CLXN: variants seen among roughly 807,000 people sequenced by gnomAD.
The protein encoded by CLXN is calaxin.
At chr8:48,712,142 G>T in the CLXN span, 1 of 152,182 alleles carries the variant, frequency 6.6e-6, no homozygotes, top group Non-Finnish European at 1.5e-5. Context: ...TTTCTGCTGG[G>T]AGGCAGTGAC....
At chr8:48,726,744 CCCAT>C in the CLXN span, among the ~76,000 whole-genome samples, 12 of 144,990 alleles carry the variant, frequency 8.3e-5, no homozygotes, top group Middle Eastern at 3.8e-3. Flanking sequence ...ACTCACCTCA[CCCAT>C]CCATCCATCC....
the CLXN span, chr8:48,711,660 C>A: frequency 8.0e-4 from 122 of 152,302 alleles, 1 homozygote; most frequent in African/African-American, 2.6e-3. Flanking sequence ...CCTGCAGCCA[C>A]GAGGGTCTGC....
chr8:48,731,140 A>T, the CLXN span, among the ~76,000 whole-genome samples: 3 of 152,332 alleles, frequency 2.0e-5, no homozygotes, highest in African/African-American at 7.2e-5. Context: ...GAAAGATGTC[A>T]ACATGACTTT....
At chr8:48,731,480 G>C in the CLXN span, 1 of 1,608,288 alleles carries the variant, frequency 6.2e-7, no homozygotes, top group Non-Finnish European at 8.5e-7. Flanking sequence ...AGCTTTATAA[G>C]ACAGTTCACT....
At chr8:48,713,561 A>G in the CLXN span, 1 of 152,164 alleles carries the variant, frequency 6.6e-6, no homozygotes, top group South Asian at 2.1e-4. Flanking sequence ...TACAAATGAT[A>G]TAACTTTGTG....
the CLXN span, chr8:48,735,280 C>T: frequency 3.8e-6 from 4 of 1,064,382 alleles, no homozygotes; most frequent in South Asian, 2.8e-5. Flanking sequence ...ATCTCGTGCG[C>T]GGCCCTAACA....
At chr8:48,734,966 G>T in the CLXN span, 2 of 1,057,396 alleles carry the variant, frequency 1.9e-6, no homozygotes, top group Non-Finnish European at 2.8e-6. Context: ...GGCCGGGGTG[G>T]AGGGGCGGTA....
chr8:48,713,031 A>G, the CLXN span, among the ~76,000 whole-genome samples: 4 of 150,998 alleles, frequency 2.6e-5, no homozygotes, highest in African/African-American at 9.7e-5. Context: ...AAAAAAACTG[A>G]GCAAGTTTAC....
chr8:48,727,360 C>T, the CLXN span, among the ~76,000 whole-genome samples: 8 of 152,062 alleles, frequency 5.3e-5, no homozygotes, highest in East Asian at 1.9e-4. Flanking sequence ...ATGTACAAGG[C>T]GAGACAGATA....
chr8:48,727,387 A>G, the CLXN span, among the ~76,000 whole-genome samples: 1 of 152,198 alleles, frequency 6.6e-6, no homozygotes, highest in Non-Finnish European at 1.5e-5. Flanking sequence ...GGTAATAAAA[A>G]GAGCTGCTAA....
At chr8:48,725,363 C>G in the CLXN span, among the ~76,000 whole-genome samples, 2 of 152,292 alleles carry the variant, frequency 1.3e-5, no homozygotes, top group East Asian at 3.9e-4. Context: ...ACAATTCTTT[C>G]AAGAAGCTAG....
At chr8:48,729,295 CG>C in the CLXN span, 1 of 607,358 alleles carries the variant, frequency 1.6e-6, no homozygotes, top group Non-Finnish European at 2.8e-6. Context: ...GAGGCTAAGG[CG>C]GGGTGATTCC....
At chr8:48,712,642 C>G in the CLXN span, among the ~76,000 whole-genome samples, 2 of 152,206 alleles carry the variant, frequency 1.3e-5, no homozygotes, top group Non-Finnish European at 2.9e-5. Flanking sequence ...CAAATGCAGA[C>G]GTGCGCCCAG....
At chr8:48,714,673 G>C in the CLXN span, among the ~76,000 whole-genome samples, 1 of 152,198 alleles carries the variant, frequency 6.6e-6, no homozygotes, top group East Asian at 1.9e-4. Context: ...TTAAAAGAAT[G>C]TATATTGCAG....
the CLXN span, chr8:48,730,666 G>T: frequency 3.5e-6 from 5 of 1,434,388 alleles, no homozygotes; most frequent in Non-Finnish European, 4.9e-6. Context: ...GAGGTTAAAT[G>T]GAACACCTGT....
At chr8:48,730,642 A>C in the CLXN span, 1 of 1,597,914 alleles carries the variant, frequency 6.3e-7, no homozygotes, top group Non-Finnish European at 8.6e-7. Context: ...AAACCTCGGA[A>C]TACTAAAGGG....
the CLXN span, chr8:48,728,969 C>A: frequency 9.9e-7 from 1 of 1,013,578 alleles, no homozygotes; most frequent in South Asian, 1.7e-5. Context: ...GATCCACTAC[C>A]CATTAAATCA....
At chr8:48,714,524 A>G in the CLXN span, among the ~76,000 whole-genome samples, 1 of 152,216 alleles carries the variant, frequency 6.6e-6, no homozygotes, top group African/African-American at 2.4e-5. Flanking sequence ...AATGTCAAGT[A>G]ATAAAAGAGG....
the CLXN span, chr8:48,724,674 A>G: frequency 1.5e-6 from 2 of 1,294,154 alleles, no homozygotes; most frequent in African/African-American, 1.5e-5. Context: ...TGAACTAAGT[A>G]GAAAAAATAA....
Sources: gnomAD v4.1 joint callset for allele counts (sites outside exome capture counted in the v4.1 genomes callset) on GRCh38, gnomAD v4.1.1 for gene constraint, MANE v1.5 for transcripts, NCBI Gene and HGNC (gene_info 2026-07-23, HGNC 2026-07-21) for gene names.